STPG2: variants seen among roughly 807,000 people sequenced by gnomAD.
STPG2 encodes the protein sperm-tail PG-rich repeat-containing protein 2.
In STPG2, 56 loss-of-function variants were observed where a neutral mutation model predicts 54.2. The ratio of observed to expected loss-of-function variants is 1.03; its 90% CI spans 0.83 to 1.29. The LOEUF (loss-of-function observed/expected upper bound fraction) is 1.29, where lower values mean the gene tolerates loss of function less well. STPG2 is among the 50% of genes most tolerant of loss of function. The pLI, the probability that STPG2 is intolerant of heterozygous loss-of-function variation, is 0.00. For missense variants in STPG2, 596 were observed against 544.9 expected, an observed-to-expected ratio of 1.09 and a Z score of -0.93; for synonymous variants, 200 against 181.8, an observed-to-expected ratio of 1.10 and a Z score of -0.81.
intron 7 of STPG2, among the ~76,000 whole-genome samples, chr4:97,950,793 C>T (rs1733436005): frequency 6.6e-6 from 1 of 152,178 alleles, no homozygotes; most frequent in Non-Finnish European, 1.5e-5. Flanking sequence ...AAGACAATAA[C>T]AGCCCTTTTC....
chr4:98,075,622 A>G (rs1369554204), intron 5 of STPG2, among the ~76,000 whole-genome samples: 1 of 152,158 alleles, frequency 6.6e-6, no homozygotes, highest in Non-Finnish European at 1.5e-5. Flanking sequence ...TAATTTATCA[A>G]GCTTCTATAG....
At chr4:97,850,560 T>C (rs1264699528) in intron 8 of STPG2, among the ~76,000 whole-genome samples, 1 of 151,916 alleles carries the variant, frequency 6.6e-6, no homozygotes, top group African/African-American at 2.4e-5. Context: ...TAATGATCTG[T>C]ATATGCACGT....
At chr4:97,512,954 C>T (rs765653258) in intron 4 of STPG2, among the ~76,000 whole-genome samples, 7 of 152,040 alleles carry the variant, frequency 4.6e-5, no homozygotes, top group Non-Finnish European at 7.4e-5. Context: ...ACCTGGAGAG[C>T]ATGTCAGATT....
chr4:97,632,939 T>C (rs1721339934), intron 10 of STPG2, among the ~76,000 whole-genome samples: 2 of 152,134 alleles, frequency 1.3e-5, no homozygotes, highest in Admixed American at 6.5e-5. Context: ...ACTGTTCTAA[T>C]TATATTTAGA....
chr4:97,448,114 G>T (rs1729273019), intron 4 of STPG2, among the ~76,000 whole-genome samples: 1 of 152,162 alleles, frequency 6.6e-6, no homozygotes, highest in South Asian at 2.1e-4. Context: ...TAGCCCCTTG[G>T]TTTTGGCCAA....
intron 5 of STPG2, among the ~76,000 whole-genome samples, chr4:98,017,418 T>C (rs1045888591): frequency 1.2e-4 from 18 of 152,210 alleles, no homozygotes; most frequent in African/African-American, 3.6e-4. Flanking sequence ...CACTGGGGTT[T>C]ACTGGGTTGG....
At chr4:97,955,952 C>T (rs981051966) in intron 7 of STPG2, among the ~76,000 whole-genome samples, 8 of 152,164 alleles carry the variant, frequency 5.3e-5, no homozygotes, top group African/African-American at 1.9e-4. Flanking sequence ...CAGCAGCAGA[C>T]CTGGACCAGA....
chr4:97,702,680 G>A (rs1340218929), intron 10 of STPG2, among the ~76,000 whole-genome samples: 2 of 152,144 alleles, frequency 1.3e-5, no homozygotes, highest in Admixed American at 6.5e-5. Context: ...TGGGGATGGT[G>A]AAGCTGTTTG....
intron 9 of STPG2, among the ~76,000 whole-genome samples, chr4:97,776,191 A>C (rs574333607): frequency 6.6e-6 from 1 of 152,330 alleles, no homozygotes. Context: ...ATACACATAA[A>C]TTGTACTTTT....
At chr4:97,585,303 A>G (rs768385125) in intron 10 of STPG2, among the ~76,000 whole-genome samples, 2 of 151,936 alleles carry the variant, frequency 1.3e-5, no homozygotes, top group African/African-American at 4.8e-5. Context: ...AACACCATCA[A>G]TGGGATCAAT....
At chr4:97,775,119 G>A (rs1280440678) in intron 9 of STPG2, among the ~76,000 whole-genome samples, 1 of 152,170 alleles carries the variant, frequency 6.6e-6, no homozygotes. Flanking sequence ...TGATAAAAAG[G>A]GCGCATAAAT....
At chr4:98,038,864 C>A (rs1736855992) in intron 5 of STPG2, among the ~76,000 whole-genome samples, 1 of 151,772 alleles carries the variant, frequency 6.6e-6, no homozygotes, top group South Asian at 2.1e-4. Context: ...AACAGGAATT[C>A]ATAGAAGAGG....
chr4:97,909,111 A>G, intron 8 of STPG2, among the ~76,000 whole-genome samples: 1 of 150,902 alleles, frequency 6.6e-6, no homozygotes, highest in South Asian at 2.1e-4. Context: ...CAAACAAACA[A>G]AAACAAAAAC....
At chr4:97,493,961 A>C (rs910033615) in intron 4 of STPG2, among the ~76,000 whole-genome samples, 1 of 151,552 alleles carries the variant, frequency 6.6e-6, no homozygotes, top group Non-Finnish European at 1.5e-5. Flanking sequence ...AGATTTAACA[A>C]GGTGCCCTAC....
At chr4:97,933,712 G>A (rs954558373) in intron 8 of STPG2, among the ~76,000 whole-genome samples, 4 of 152,116 alleles carry the variant, frequency 2.6e-5, no homozygotes, top group Middle Eastern at 3.4e-3. Context: ...ATTCTGTTCC[G>A]TTGATCTATG....
chr4:98,111,223 G>A (rs1739339268), intron 3 of STPG2, among the ~76,000 whole-genome samples: 1 of 151,798 alleles, frequency 6.6e-6, no homozygotes, highest in Non-Finnish European at 1.5e-5. Context: ...CATTACATTT[G>A]AAAAGAGTCT....
chr4:97,801,439 C>T (rs1211425575), intron 9 of STPG2, among the ~76,000 whole-genome samples: 1 of 152,136 alleles, frequency 6.6e-6, no homozygotes, highest in Non-Finnish European at 1.5e-5. Flanking sequence ...ATACTACTAT[C>T]ACATCATTCT....
At chr4:97,831,358 G>A (rs1578602380) in intron 9 of STPG2, among the ~76,000 whole-genome samples, 1 of 152,268 alleles carries the variant, frequency 6.6e-6, no homozygotes, top group South Asian at 2.1e-4. Flanking sequence ...GAATCTCTGG[G>A]ACATATTTAA....
chr4:98,063,255 C>G (rs1352855120), intron 5 of STPG2, among the ~76,000 whole-genome samples: 1 of 151,892 alleles, frequency 6.6e-6, no homozygotes, highest in Non-Finnish European at 1.5e-5. Flanking sequence ...TCAAGACCAT[C>G]CTGGCCACCA....
Sources: allele counts gnomAD v4.1 joint callset (sites outside exome capture counted in the v4.1 genomes callset), GRCh38; gene constraint gnomAD v4.1.1; transcripts MANE v1.5; gene names NCBI Gene and HGNC (gene_info 2026-07-23, HGNC 2026-07-21).